Variants in EFCAB6 observed in about 807,000 individuals in gnomAD.
EFCAB6 encodes the protein EF-hand calcium binding domain 6.
A neutral mutation model predicts 169.8 loss-of-function variants in EFCAB6; 156 were observed. That is an observed-to-expected ratio of 0.92 (90% confidence interval 0.81 to 1.05). EFCAB6 has a LOEUF of 1.05. Among genes scored for constraint, EFCAB6 ranks in the 50% least tolerant of loss-of-function variants. The pLI is 0.00. For synonymous variants in EFCAB6, 698 were observed against 676.4 expected (o/e 1.03, Z -0.50); for missense variants, 1,800 against 1,829.1 (o/e 0.98, Z 0.29).
rs929580202 is a variant in EFCAB6, at chr22:43,530,928, C to T, written c.4270G>A (p.Ala1424Thr). The T allele has an allele frequency of 3.1e-6, 5 of 1,614,214 alleles. No individual in the cohort carries two copies. The highest frequency in any genetic ancestry group is 3.3e-5 in the Admixed American group (2 of 60,032). Reference sequence around the variant, plus strand: ...ATTTTGGGCTGAATACGCAGCAGAGCAGAGTAAAAAGATGGCGTCTCCGCG... The same window carrying T: ...ATTTTGGGCTGAATACGCAGCAGAGTAGAGTAAAAAGATGGCGTCTCCGCG... ...AGAETPSFYS[A>T]LLRIQPKIVH... Residue 1424 changes from alanine (A) to threonine (T), a missense_variant, in exon 31 of 32, where the codon GCT becomes ACT. Physicochemically the swap from Ala to Thr is moderately conservative, Grantham distance 58. Coordinates refer to ENST00000262726, the MANE Select transcript of EFCAB6 (RefSeq NM_022785.4).
intron 6 of EFCAB6, among the ~76,000 whole-genome samples, chr22:43,748,778 G>T (rs951831983): frequency 6.6e-6 from 1 of 152,164 alleles, no homozygotes; most frequent in African/African-American, 2.4e-5. Flanking sequence ...TACGGAAAAT[G>T]TACAGTTTTA....
chr22:43,660,219 A>G lies in EFCAB6; in HGVS notation c.1983+6885T>C, dbSNP rs538681187. Reference sequence around the variant, plus strand: ...CTAATGACTCAATTTAACTAATCTTAGCCCATGTGTCGTTGGGTATTTTGT... The same window carrying G: ...CTAATGACTCAATTTAACTAATCTTGGCCCATGTGTCGTTGGGTATTTTGT... On this transcript the variant is annotated intron_variant, in intron 17 of 31. Transcript: ENST00000262726. 3.3e-5 allele frequency among the ~76,000 whole-genome samples: 5 copies of G among 152,344 alleles called. No individual in the cohort carries two copies. In the South Asian group the frequency reaches 1.0e-3, roughly 32 times the overall value.
At chr22:43,775,630 G>T (rs886084041) in intron 3 of EFCAB6, among the ~76,000 whole-genome samples, 3 of 152,186 alleles carry the variant, frequency 2.0e-5, no homozygotes, top group Admixed American at 2.0e-4. Flanking sequence ...TTTTAATACA[G>T]ACGGGGTTTC....
At chr22:43,718,063 C>CCCATCCAT (rs71188406) in intron 8 of EFCAB6, among the ~76,000 whole-genome samples, 58,880 of 131,874 alleles carry the variant, frequency 0.45, 12,601 homozygotes, top group African/African-American at 0.58. Flanking sequence ...CATCCATCCA[C>CCCATCCAT]CCATCCATCC....
At chr22:43,738,160 T>C (rs1019304000) in intron 6 of EFCAB6, among the ~76,000 whole-genome samples, 1 of 146,264 alleles carries the variant, frequency 6.8e-6, no homozygotes, top group Non-Finnish European at 1.5e-5. Flanking sequence ...ACTCACACCA[T>C]CACTCACACA....
chr22:43,564,857 C>T (rs983889418), intron 26 of EFCAB6, among the ~76,000 whole-genome samples: 3 of 152,146 alleles, frequency 2.0e-5, no homozygotes, highest in South Asian at 2.1e-4. Context: ...TATGGATGAT[C>T]GGGAAGACAG....
chr22:43,730,471 G>C (rs1441022873), intron 8 of EFCAB6, among the ~76,000 whole-genome samples: 3 of 151,548 alleles, frequency 2.0e-5, no homozygotes, highest in African/African-American at 7.3e-5. Flanking sequence ...TTATATCCAA[G>C]ATATAGAGGC....
chr22:43,762,941 A>G (rs2061212880), intron 5 of EFCAB6, among the ~76,000 whole-genome samples: 1 of 152,248 alleles, frequency 6.6e-6, no homozygotes, highest in Admixed American at 6.5e-5. Context: ...GAGCCTGGAA[A>G]TCATCTTAGT....
chr22:43,714,986 G>C (rs748829044), intron 9 of EFCAB6, among the ~76,000 whole-genome samples: 1 of 152,112 alleles, frequency 6.6e-6, no homozygotes, highest in South Asian at 2.1e-4. Context: ...ACTCAGCTAA[G>C]GACAAACTAT....
chr22:43,549,809 C>T (rs953713229), intron 27 of EFCAB6, among the ~76,000 whole-genome samples: 2 of 152,136 alleles, frequency 1.3e-5, no homozygotes, highest in African/African-American at 2.4e-5. Context: ...CTTTTAATAC[C>T]TCATGAGCAA....
intron 17 of EFCAB6, among the ~76,000 whole-genome samples, chr22:43,640,215 T>C (rs73432080): frequency 0.047 from 7,169 of 152,268 alleles, 188 homozygotes; most frequent in African/African-American, 0.055. Context: ...GTGGAGGTTA[T>C]GGTGTGGGGC....
chr22:43,789,266 T>G (rs1409623714), intron 2 of EFCAB6, among the ~76,000 whole-genome samples: 1 of 152,144 alleles, frequency 6.6e-6, no homozygotes, highest in Non-Finnish European at 1.5e-5. Flanking sequence ...ATGTGAATTT[T>G]ATGGTATATG....
chr22:43,600,093 C>T lies in EFCAB6; in HGVS notation c.2852G>A (p.Ser951Asn), dbSNP rs1283378253. 3.1e-6 allele frequency: 5 copies of T among 1,614,030 alleles called. No individual in the cohort carries two copies. Among genetic ancestry groups the T allele is most frequent in the Non-Finnish European group, 4.2e-6 (5 of 1,179,982 alleles). ...LQEEMKELQQSTEKAVAARDK... is the reference protein window; with the variant it reads ...LQEEMKELQQNTEKAVAARDK... ...CCTGGCTGCCACAGCCTTCTCTGTG[C>T]TCTGCTGCAGCTCCTTCATCTCTTC... Residue 951 changes from serine (S) to asparagine (N), a missense_variant, in exon 23 of 32, where the codon AGC becomes AAC. Coordinates refer to ENST00000262726, the MANE Select transcript of EFCAB6 (RefSeq NM_022785.4).
chr22:43,585,264 C>CT (rs2050985873), intron 24 of EFCAB6, among the ~76,000 whole-genome samples: 2 of 150,526 alleles, frequency 1.3e-5, no homozygotes, highest in African/African-American at 4.9e-5. Flanking sequence ...GATGGAAACT[C>CT]TAAGAAAGAA....
chr22:43,693,541 T>G (rs183521229), intron 10 of EFCAB6, among the ~76,000 whole-genome samples: 23 of 148,698 alleles, frequency 1.5e-4, no homozygotes, highest in Admixed American at 1.4e-3. Context: ...TCCTAGATGA[T>G]ATCCTGGAAC....
intron 21 of EFCAB6, among the ~76,000 whole-genome samples, chr22:43,611,771 C>A (rs775992001): frequency 2.0e-5 from 3 of 152,074 alleles, no homozygotes; most frequent in Non-Finnish European, 2.9e-5. Flanking sequence ...GCACTCCAGC[C>A]TGGGTGACAG....
chr22:43,633,722 G>T (rs2055158587), intron 18 of EFCAB6, among the ~76,000 whole-genome samples: 1 of 152,196 alleles, frequency 6.6e-6, no homozygotes, highest in African/African-American at 2.4e-5. Context: ...CCTCCCCACG[G>T]TGTGGTGGGC....
At chr22:43,618,354 C>T (rs55838518) in intron 20 of EFCAB6, among the ~76,000 whole-genome samples, 1 of 151,754 alleles carries the variant, frequency 6.6e-6, no homozygotes, top group Non-Finnish European at 1.5e-5. Context: ...CTTTGACAGC[C>T]GCATGAAGAC....
At chr22:43,531,237 C>G (rs1192995247) in intron 30 of EFCAB6, among the ~76,000 whole-genome samples, 1 of 152,200 alleles carries the variant, frequency 6.6e-6, no homozygotes. Context: ...GAAGGCAGGT[C>G]TCTATCCCCA....
Sources: gnomAD v4.1 joint callset for allele counts (sites outside exome capture counted in the v4.1 genomes callset) on GRCh38, gnomAD v4.1.1 for gene constraint, MANE v1.5 for transcripts, NCBI Gene and HGNC (gene_info 2026-07-23, HGNC 2026-07-21) for gene names.